LTBP1: variants seen among roughly 807,000 people sequenced by gnomAD.
LTBP1 encodes latent-transforming growth factor beta-binding protein 1.
A neutral mutation model predicts 207.6 loss-of-function variants in LTBP1; 129 were observed. That is an observed-to-expected ratio of 0.62 (90% CI 0.54 to 0.72). The LOEUF is 0.72. Ranked by LOEUF, LTBP1 falls within the 30% of genes least tolerant of loss-of-function variation. The pLI, the probability that LTBP1 is intolerant of heterozygous loss-of-function variation, is 0.00. For missense variants in LTBP1, 2,281 were observed against 2,217.2 expected (o/e 1.03, Z -0.58); for synonymous variants, 963 against 833.7 (o/e 1.16, Z -2.67).
At chr2:33,382,067 A>ACTG (rs2095220688) in intron 31 of LTBP1, among the ~76,000 whole-genome samples, 1 of 116,752 alleles carries the variant, frequency 8.6e-6, no homozygotes, top group Non-Finnish European at 1.7e-5. Context: ...TTAGCGCCCT[A>ACTG]CTGCTTCTTT....
At chr2:33,301,004 C>T (rs944601439) in intron 21 of LTBP1, among the ~76,000 whole-genome samples, 1 of 152,026 alleles carries the variant, frequency 6.6e-6, no homozygotes, top group Non-Finnish European at 1.5e-5. Context: ...TTAAAAAAAT[C>T]GCTAAAGAAG....
At position 33,090,222 on chromosome 2, in the gene LTBP1, C is replaced by T. The variant is rs755313376; in HGVS notation, c.864-20360C>T. Among the ~76,000 whole-genome samples the T allele has an allele frequency of 1.1e-4, 17 of 152,280 alleles. No individual in the cohort carries two copies. In the East Asian group the frequency reaches 1.2e-3, roughly 10 times the overall value. ...AATGTTTCATATTTGAGTAATTGGA[C>T]GGAGTGGGAAAGACTTTGAAGATAT... On this transcript the variant is annotated intron_variant, in intron 3 of 33. Transcript: ENST00000404816.
chr2:33,387,708 T>A (rs1412649690), intron 31 of LTBP1, among the ~76,000 whole-genome samples: 1 of 150,570 alleles, frequency 6.6e-6, no homozygotes, highest in Non-Finnish European at 1.5e-5. Flanking sequence ...AAGAAAGCCT[T>A]CAGGGTTCAC....
chr2:33,003,269 C>T (rs1287050853), intron 2 of LTBP1, among the ~76,000 whole-genome samples: 1 of 152,180 alleles, frequency 6.6e-6, no homozygotes, highest in Non-Finnish European at 1.5e-5. Flanking sequence ...AGTAGATTTG[C>T]AAGAGTAATT....
intron 10 of LTBP1, among the ~76,000 whole-genome samples, chr2:33,247,077 A>C (rs1403044682): frequency 6.6e-6 from 1 of 152,204 alleles, no homozygotes; most frequent in Non-Finnish European, 1.5e-5. Context: ...ATGTGTCCAT[A>C]GGTTCAGTAA....
intron 5 of LTBP1, among the ~76,000 whole-genome samples, chr2:33,140,692 A>G (rs2082581002): frequency 7.3e-6 from 1 of 136,494 alleles, no homozygotes; most frequent in Non-Finnish European, 1.6e-5. Context: ...TTTGAGATAG[A>G]GTTTTGCTCT....
At position 33,102,281 on chromosome 2, in the gene LTBP1, TG is replaced by T. The variant is rs551558967; in HGVS notation, c.864-8295del. 2.9e-3 allele frequency among the ~76,000 whole-genome samples: 444 copies of T among 152,220 alleles called. 2 individuals carry two copies. Among genetic ancestry groups the T allele is most frequent in the African/African-American group, 0.01 (424 of 41,536 alleles). On this transcript the variant is annotated intron_variant, in intron 3 of 33. Transcript: ENST00000404816. Reference sequence around the variant, plus strand: ...GGGCCAGGTACTTTTTCTGTTGGGGTGGGGGGCTGTTCTGTGCATTATAGGA... The same window carrying T: ...GGGCCAGGTACTTTTTCTGTTGGGGTGGGGGCTGTTCTGTGCATTATAGGA...
Position 32,947,717 on chromosome 2 carries a change from C to T in LTBP1, c.393C>T (p.Phe131=). 1.3e-6 allele frequency: 2 copies of T among 1,535,398 alleles called. No homozygotes were observed. The highest frequency in any genetic ancestry group is 8.8e-7 in the Non-Finnish European group (1 of 1,142,522). ...NPGGHPAAAP[F]TKQGRQVVRS... The stretch of plus-strand genomic sequence containing the variant: ...GCGGCCACCCGGCAGCCGCCCCGTT[C>T]ACCAAACAAGGCAGGCAAGTTGTGC... Residue 131 remains phenylalanine (F), a synonymous_variant, in exon 1 of 34, where the codon TTC becomes TTT. Transcript: ENST00000404816.
intron 24 of LTBP1, among the ~76,000 whole-genome samples, chr2:33,324,140 A>C (rs77306067): frequency 0.045 from 6,781 of 152,236 alleles, 201 homozygotes; most frequent in Middle Eastern, 0.12. Context: ...TAGTTACAGC[A>C]GTCCTTCCTT....
chr2:33,213,814 C>T (rs1248233217), intron 7 of LTBP1, among the ~76,000 whole-genome samples: 2 of 152,206 alleles, frequency 1.3e-5, no homozygotes, highest in East Asian at 3.8e-4. Flanking sequence ...TCAAGACACA[C>T]ACAGTGTTGT....
chr2:32,991,339 T>A (rs1327045502), intron 2 of LTBP1, among the ~76,000 whole-genome samples: 2 of 152,236 alleles, frequency 1.3e-5, no homozygotes, highest in African/African-American at 4.8e-5. Flanking sequence ...GTAAATAAAC[T>A]GTCATGATTC....
rs186853389 is a variant in LTBP1, at chr2:33,138,192, G to T, written c.1201+3232G>T. ...GAGGGTGAGTCTGGGCTTTCCAGGT[G>T]TGAAAGGCAGCAGGTATTTTCGCAT... On this transcript the variant is annotated intron_variant, in intron 5 of 33. Coordinates refer to ENST00000404816, the MANE Select transcript of LTBP1 (RefSeq NM_206943.4). 5.3e-5 allele frequency among the ~76,000 whole-genome samples: 8 copies of T among 152,314 alleles called. No homozygotes were observed. The East Asian group carries it at 1.5e-3, about 29-fold the overall frequency.
chr2:33,134,975 G>T lies in LTBP1; in HGVS notation c.1201+15G>T. 6.3e-7 allele frequency: 1 copy of T among 1,594,934 alleles called. No homozygotes were observed. ...CTTCCGAGTGGGTGAGTTCCTCCAC[G>T]GTCCCTAACTGTCCTTACTGAGTCG... is the stretch of plus-strand genomic sequence containing the variant. On this transcript the variant is annotated intron_variant, in intron 5 of 33. Coordinates refer to ENST00000404816, the MANE Select transcript of LTBP1 (RefSeq NM_206943.4). The surrounding 1 kb of genome is among the most constrained non-coding windows in gnomAD (Gnocchi z 4.4).
At chr2:33,282,904 A>G (rs2093587903) in intron 19 of LTBP1, among the ~76,000 whole-genome samples, 1 of 152,038 alleles carries the variant, frequency 6.6e-6, no homozygotes, top group Non-Finnish European at 1.5e-5. Context: ...CTCTACTAAA[A>G]ATACAAAAAT....
chr2:33,119,129 A>G lies in LTBP1; in HGVS notation c.1033+8378A>G, dbSNP rs939628575. 3.3e-5 allele frequency among the ~76,000 whole-genome samples: 5 copies of G among 151,828 alleles called. No homozygotes were observed. In the East Asian group the frequency reaches 5.8e-4, roughly 18 times the overall value. ...TGTTGAGACTGATTTTAAGAAATCA[A>G]TACTGTATGGCTCCAGAATATTCTG... On this transcript the variant is annotated intron_variant, in intron 4 of 33. Coordinates refer to ENST00000404816, the MANE Select transcript of LTBP1 (RefSeq NM_206943.4).
At chr2:33,010,153 G>A (rs937537141) in intron 2 of LTBP1, among the ~76,000 whole-genome samples, 1 of 152,214 alleles carries the variant, frequency 6.6e-6, no homozygotes, top group South Asian at 2.1e-4. Context: ...GGCCAGCATG[G>A]CTGATGGTCA....
chr2:33,345,901 T>A (rs116617281), intron 25 of LTBP1, among the ~76,000 whole-genome samples: 2,118 of 152,314 alleles, frequency 0.014, 43 homozygotes, highest in African/African-American at 0.049. Context: ...CTTTACTGAA[T>A]TGGATACCCA....
At chr2:33,057,909 A>T (rs2077083542) in intron 3 of LTBP1, among the ~76,000 whole-genome samples, 3 of 152,238 alleles carry the variant, frequency 2.0e-5, no homozygotes, top group Admixed American at 2.0e-4. Flanking sequence ...CTCCTCAAGC[A>T]CGGCCAGAAT....
At chr2:33,296,206 A>G (rs757166112) in intron 20 of LTBP1, among the ~76,000 whole-genome samples, 3 of 151,992 alleles carry the variant, frequency 2.0e-5, no homozygotes, top group Non-Finnish European at 4.4e-5. Context: ...CTGCCATTTT[A>G]TCTTCTTTCA....
Sources: allele counts gnomAD v4.1 joint callset (sites outside exome capture counted in the v4.1 genomes callset), GRCh38; gene constraint gnomAD v4.1.1; non-coding constraint Gnocchi (gnomAD v3.1); transcripts MANE v1.5; gene names NCBI Gene and HGNC (gene_info 2026-07-23, HGNC 2026-07-21).